Variants in SLC35H1 observed in about 807,000 individuals in gnomAD.
SLC35H1 encodes solute carrier family 35 member H1.
At chr20:46,353,841 G>A in the SLC35H1 span, among the ~76,000 whole-genome samples, 2 of 151,946 alleles carry the variant, frequency 1.3e-5, no homozygotes, top group African/African-American at 2.4e-5. Flanking sequence ...TGAAGGAGTG[G>A]GGAGAGATTT....
At chr20:46,361,639 C>A in the SLC35H1 span, among the ~76,000 whole-genome samples, 17 of 152,206 alleles carry the variant, frequency 1.1e-4, no homozygotes, top group Admixed American at 1.1e-3. Flanking sequence ...TTAGCAACAT[C>A]CCTGGCCCAT....
the SLC35H1 span, chr20:46,354,837 G>A: frequency 6.7e-7 from 1 of 1,494,548 alleles, no homozygotes; most frequent in Non-Finnish European, 9.2e-7. Flanking sequence ...GAGGATCTGT[G>A]GTCTGCTGCA....
chr20:46,358,508 C>T, the SLC35H1 span: 903 of 1,614,192 alleles, frequency 5.6e-4, 2 homozygotes, highest in Non-Finnish European at 7.2e-4. Context: ...CCTCCCCATT[C>T]GTGGCGGCTG....
chr20:46,360,840 C>T, the SLC35H1 span, among the ~76,000 whole-genome samples: 7 of 152,326 alleles, frequency 4.6e-5, no homozygotes, highest in Admixed American at 6.5e-5. Flanking sequence ...TGAGCCACCG[C>T]GCCCGGCTGC....
the SLC35H1 span, chr20:46,354,782 T>G: frequency 2.7e-6 from 3 of 1,092,984 alleles, no homozygotes; most frequent in Non-Finnish European, 4.1e-6. Context: ...ACTGCATCTT[T>G]GATCTCAATA....
the SLC35H1 span, chr20:46,358,483 C>G: frequency 1.2e-6 from 2 of 1,614,212 alleles, no homozygotes. Flanking sequence ...ACAAAAAGGC[C>G]ACATCGAGGG....
At chr20:46,358,994 C>T in the SLC35H1 span, 2 of 548,918 alleles carry the variant, frequency 3.6e-6, no homozygotes, top group Non-Finnish European at 6.6e-6. Flanking sequence ...CAGGCCACTG[C>T]TTAAAACCCT....
At chr20:46,350,937 G>T in the SLC35H1 span, 1 of 1,609,288 alleles carries the variant, frequency 6.2e-7, no homozygotes, top group Non-Finnish European at 8.5e-7. Context: ...GGCAGATTTG[G>T]CTGCTTGACC....
the SLC35H1 span, among the ~76,000 whole-genome samples, chr20:46,353,499 T>C: frequency 6.6e-6 from 1 of 152,070 alleles, no homozygotes; most frequent in Non-Finnish European, 1.5e-5. Context: ...GGACGAGTAT[T>C]TTGAGATTTT....
At chr20:46,358,421 A>ATGGAGAAGCAGTAG in the SLC35H1 span, 26 of 1,614,180 alleles carry the variant, frequency 1.6e-5, no homozygotes, top group Non-Finnish European at 2.2e-5. Flanking sequence ...GGTGATGCCG[A>ATGGAGAAGCAGTAG]TGGAGAAGCA....
At chr20:46,352,328 A>AAGG in the SLC35H1 span, 1 of 996,510 alleles carries the variant, frequency 1.0e-6, no homozygotes, top group Admixed American at 2.2e-5. Flanking sequence ...GTGAGTTCTT[A>AAGG]CTGAGACCTG....
At chr20:46,350,349 G>C in the SLC35H1 span, 1 of 1,551,796 alleles carries the variant, frequency 6.4e-7, no homozygotes, top group Non-Finnish European at 8.7e-7. Context: ...AGTGCTGGCA[G>C]CAGGCTGGGG....
the SLC35H1 span, chr20:46,350,858 C>T: frequency 4.3e-6 from 7 of 1,614,068 alleles, no homozygotes; most frequent in Non-Finnish European, 5.9e-6. Context: ...GATCGCCCAG[C>T]AGATGAGCTG....
the SLC35H1 span, among the ~76,000 whole-genome samples, chr20:46,359,140 T>G: frequency 6.6e-6 from 1 of 152,120 alleles, no homozygotes; most frequent in African/African-American, 2.4e-5. Context: ...GCCTTTCAGC[T>G]CCCCAAACAC....
the SLC35H1 span, among the ~76,000 whole-genome samples, chr20:46,357,409 T>G: frequency 6.7e-5 from 10 of 148,380 alleles, no homozygotes; most frequent in Admixed American, 6.7e-5. Flanking sequence ...GCAGGGGGGG[T>G]TTTGTGGGTG....
chr20:46,348,317 C>G, the SLC35H1 span: 1 of 152,226 alleles, frequency 6.6e-6, no homozygotes, highest in Non-Finnish European at 1.5e-5. Context: ...CGCTTGCTCC[C>G]TGTGCTGGGA....
At chr20:46,355,761 C>A in the SLC35H1 span, 1 of 1,613,344 alleles carries the variant, frequency 6.2e-7, no homozygotes, top group Non-Finnish European at 8.5e-7. The surrounding 1 kb of genome is among the most constrained non-coding windows in gnomAD (Gnocchi z 4.8). Context: ...TTCTTAGCAT[C>A]TGTGGGGGCA....
chr20:46,350,176 C>T, the SLC35H1 span: 1 of 416,914 alleles, frequency 2.4e-6, no homozygotes, highest in Non-Finnish European at 4.2e-6. Flanking sequence ...AGCTTGGGCC[C>T]AGCTCTGGCC....
At chr20:46,360,628 T>G in the SLC35H1 span, among the ~76,000 whole-genome samples, 2 of 152,128 alleles carry the variant, frequency 1.3e-5, no homozygotes, top group Non-Finnish European at 2.9e-5. Flanking sequence ...CACCACAAGC[T>G]CCGCCTCCCA....
Sources: gnomAD v4.1 joint callset for allele counts (sites outside exome capture counted in the v4.1 genomes callset) on GRCh38, gnomAD v4.1.1 for gene constraint, Gnocchi (gnomAD v3.1) non-coding constraint, MANE v1.5 for transcripts, NCBI Gene and HGNC (gene_info 2026-07-23, HGNC 2026-07-21) for gene names.